The following SND1 variants were observed in gnomAD, a reference collection of about 807,000 sequenced individuals.
SND1 encodes staphylococcal nuclease domain-containing protein 1.
Under a neutral mutation model 121.7 loss-of-function variants are expected in SND1, and 38 were observed. The observed-to-expected ratio is 0.31, with a 90% CI of 0.24 to 0.41. SND1 has a LOEUF of 0.41. SND1 is among the 10% of genes least tolerant of loss of function. The pLI, the probability that SND1 is intolerant of heterozygous loss-of-function variation, is 1.00. For missense variants in SND1, 868 were observed against 1,184.6 expected (o/e 0.73, Z 3.92); for synonymous variants, 401 against 447.4 (o/e 0.90, Z 1.31).
At chr7:128,051,401 TCAGTTACA>T (rs1419089846) in intron 16 of SND1, among the ~76,000 whole-genome samples, 2 of 152,190 alleles carry the variant, frequency 1.3e-5, no homozygotes, top group African/African-American at 2.4e-5. Flanking sequence ...AGTTCAAAAA[TCAGTTACA>T]CCATTACAAG....
At chr7:127,990,660 A>T (rs1269990766) in intron 15 of SND1, among the ~76,000 whole-genome samples, 1 of 152,160 alleles carries the variant, frequency 6.6e-6, no homozygotes, top group Non-Finnish European at 1.5e-5. Flanking sequence ...GTTCCTGCTC[A>T]TCTTACTTGG....
intron 16 of SND1, among the ~76,000 whole-genome samples, chr7:128,058,481 C>T (rs981163090): frequency 6.6e-6 from 1 of 152,238 alleles, no homozygotes; most frequent in Non-Finnish European, 1.5e-5. Context: ...GCAGAGCTCT[C>T]ACTGGGTACC....
At chr7:127,791,315 A>T (rs991082730) in intron 10 of SND1, among the ~76,000 whole-genome samples, 14 of 150,762 alleles carry the variant, frequency 9.3e-5, no homozygotes, top group African/African-American at 3.4e-4. Flanking sequence ...CACCCAACTA[A>T]TTTCTGTTTT....
intron 10 of SND1, among the ~76,000 whole-genome samples, chr7:127,777,767 C>T (rs568753438): frequency 6.6e-6 from 1 of 152,182 alleles, no homozygotes; most frequent in Admixed American, 6.5e-5. Context: ...TGTCCAACTC[C>T]TGGGTTCGAG....
intron 15 of SND1, among the ~76,000 whole-genome samples, chr7:127,971,540 A>C (rs1237627587): frequency 6.6e-6 from 1 of 152,176 alleles, no homozygotes; most frequent in East Asian, 1.9e-4. Context: ...GAAGAGTACA[A>C]GGTAATCTTC....
intron 10 of SND1, among the ~76,000 whole-genome samples, chr7:127,765,988 A>G (rs541284051): frequency 2.0e-5 from 3 of 152,308 alleles, no homozygotes; most frequent in South Asian, 4.1e-4. Flanking sequence ...GTGTCCTCTA[A>G]AATTCATGTG....
intron 13 of SND1, among the ~76,000 whole-genome samples, chr7:127,890,331 G>A (rs1200741825): frequency 1.3e-5 from 2 of 152,110 alleles, no homozygotes; most frequent in African/African-American, 4.8e-5. Context: ...CTTCTTTTGA[G>A]AAATGTCTAT....
At chr7:127,900,428 G>T (rs1403621110) in intron 13 of SND1, among the ~76,000 whole-genome samples, 1 of 152,188 alleles carries the variant, frequency 6.6e-6, no homozygotes, top group East Asian at 1.9e-4. Context: ...AGATTTTCTG[G>T]ATGAACTAGA....
In SND1 at chr7:127,791,412, C is replaced by G. The variant is rs114265210; in HGVS notation, c.1153-16072C>G. Among the ~76,000 whole-genome samples the G allele has an allele frequency of 5.8e-3, 879 of 152,278 alleles. 7 individuals carry two copies. The highest frequency in any genetic ancestry group is 0.02 in the African/African-American group (830 of 41,536). ...AAGTGATTCACCTGCCTTGGCTGCC[C>G]AAACTGCTGGGATTAAAGGCATGAG... On this transcript the variant is annotated intron_variant, in intron 10 of 23. Transcript: ENST00000354725.
chr7:127,942,754 A>G (rs574871185), intron 15 of SND1, among the ~76,000 whole-genome samples: 1 of 152,300 alleles, frequency 6.6e-6, no homozygotes, highest in South Asian at 2.1e-4. Context: ...GATAGAAACT[A>G]TTTTTATTTC....
At position 128,008,627 on chromosome 7, in the gene SND1, C is replaced by T. The variant is rs79958079; in HGVS notation, c.1779+17571C>T. The stretch of plus-strand genomic sequence containing the variant: ...AAGTTGAGGCAGGGCACAGGGTGGG[C>T]CCATGAGTGCCATCCCTTTCCTCTG... On this transcript the variant is annotated intron_variant, in intron 16 of 23. Coordinates refer to ENST00000354725, the MANE Select transcript of SND1 (RefSeq NM_014390.4). Among the ~76,000 whole-genome samples the T allele has an allele frequency of 7.9e-3, 1,201 of 152,240 alleles. 16 individuals are homozygous for T. Among genetic ancestry groups the T allele is most frequent in the African/African-American group, 0.027 (1,142 of 41,534 alleles).
At chr7:127,979,528 ACT>A (rs1802209200) in intron 15 of SND1, among the ~76,000 whole-genome samples, 2 of 152,134 alleles carry the variant, frequency 1.3e-5, no homozygotes, top group African/African-American at 2.4e-5. Flanking sequence ...AGAACAGGTG[ACT>A]CTGGATGAAT....
chr7:127,995,094 G>A (rs140055229), intron 16 of SND1, among the ~76,000 whole-genome samples: 18 of 152,262 alleles, frequency 1.2e-4, no homozygotes, highest in East Asian at 7.7e-4. Context: ...GTGTAGTTAC[G>A]ACAGAGGCTA....
intron 1 of SND1, among the ~76,000 whole-genome samples, chr7:127,660,369 C>A (rs1795287255): frequency 6.6e-6 from 1 of 152,150 alleles, no homozygotes; most frequent in Admixed American, 6.5e-5. Context: ...TCTATTCTTG[C>A]CCTGCTCTTG....
chr7:127,761,219 T>C (rs1481554029), intron 10 of SND1, among the ~76,000 whole-genome samples: 1 of 152,198 alleles, frequency 6.6e-6, no homozygotes, highest in Non-Finnish European at 1.5e-5. Flanking sequence ...TAAGTTAATC[T>C]TCCCCACATC....
chr7:127,698,933 A>G lies in SND1; in HGVS notation c.408A>G (p.Arg136=), dbSNP rs762692767. ...TTGCAGAGGGCTTAGCCACCCGGAG[A>G]GAAGGCATGAGAGCTAATAAGTAAG... ...SLVAEGLATR[R]EGMRANNPEQ... The change falls in exon 4 of 24, where the codon AGA becomes AGG. Residue 136 remains arginine (R), a synonymous_variant. Transcript: ENST00000354725. 4.3e-5 allele frequency: 70 copies of G among 1,613,368 alleles called. No homozygotes were observed. The highest frequency in any genetic ancestry group is 4.6e-5 in the Non-Finnish European group (54 of 1,179,506).
intron 12 of SND1, among the ~76,000 whole-genome samples, chr7:127,878,122 A>G (rs1277661039): frequency 6.6e-6 from 1 of 152,086 alleles, no homozygotes; most frequent in South Asian, 2.1e-4. Flanking sequence ...AAGTCCATAT[A>G]TCAATCTTCA....
chr7:127,674,546 C>A (rs1795583904), intron 1 of SND1, among the ~76,000 whole-genome samples: 1 of 152,248 alleles, frequency 6.6e-6, no homozygotes, highest in African/African-American at 2.4e-5. Flanking sequence ...CTGGTTTAAT[C>A]TTCAGGTCCT....
chr7:127,773,556 G>T (rs1797556657), intron 10 of SND1, among the ~76,000 whole-genome samples: 2 of 152,008 alleles, frequency 1.3e-5, no homozygotes, highest in Admixed American at 1.3e-4. Context: ...AAAAAGAAAA[G>T]GAAACTATTT....
Sources: gnomAD v4.1 joint callset for allele counts (sites outside exome capture counted in the v4.1 genomes callset) on GRCh38, gnomAD v4.1.1 for gene constraint, MANE v1.5 for transcripts, NCBI Gene and HGNC (gene_info 2026-07-23, HGNC 2026-07-21) for gene names.